PSTPIP1: variants seen among roughly 807,000 people sequenced by gnomAD.
The protein encoded by PSTPIP1 is proline-serine-threonine phosphatase interacting protein 1.
PSTPIP1 carries 66 observed loss-of-function variants against 69.6 expected under a neutral mutation model. The observed-to-expected ratio is 0.95, with a 90% confidence interval of 0.78 to 1.16. The LOEUF is 1.16. Among genes scored for constraint, PSTPIP1 ranks in the 50% most tolerant of loss-of-function variants. The pLI, the probability that PSTPIP1 is intolerant of heterozygous loss-of-function variation, is 0.00. For missense variants in PSTPIP1, 603 were observed against 557.4 expected (o/e 1.08, Z -0.82); for synonymous variants, 266 against 222.7 (o/e 1.19, Z -1.73).
chr15:77,029,100 C>T (rs2076354559), intron 7 of PSTPIP1, among the ~76,000 whole-genome samples: 1 of 152,232 alleles, frequency 6.6e-6, no homozygotes, highest in African/African-American at 2.4e-5. Context: ...TGCTGTGGCC[C>T]CTAGGCCAGA....
At chr15:77,035,127 G>T (rs1317661279) in intron 12 of PSTPIP1, among the ~76,000 whole-genome samples, 1 of 152,222 alleles carries the variant, frequency 6.6e-6, no homozygotes, top group African/African-American at 2.4e-5. Flanking sequence ...GGAGGGTGAG[G>T]ACTGGGCATC....
chr15:77,003,152 T>C (rs573366367), intron 1 of PSTPIP1, among the ~76,000 whole-genome samples: 12 of 152,154 alleles, frequency 7.9e-5, no homozygotes, highest in Non-Finnish European at 1.6e-4. Context: ...TTTCCTCTCA[T>C]GCAAAAGAGG....
intron 1 of PSTPIP1, among the ~76,000 whole-genome samples, chr15:77,015,510 G>A (rs1199513485): frequency 6.6e-6 from 1 of 152,190 alleles, no homozygotes; most frequent in Non-Finnish European, 1.5e-5. Context: ...GGATGACAGA[G>A]GTTGGACAGG....
intron 12 of PSTPIP1, among the ~76,000 whole-genome samples, chr15:77,033,970 A>C (rs2076487905): frequency 6.6e-6 from 1 of 152,158 alleles, no homozygotes; most frequent in African/African-American, 2.4e-5. Flanking sequence ...CATTTAAGCA[A>C]CTGGACAAAA....
intron 12 of PSTPIP1, among the ~76,000 whole-genome samples, chr15:77,033,997 G>C (rs973943082): frequency 6.6e-6 from 1 of 152,152 alleles, no homozygotes; most frequent in Non-Finnish European, 1.5e-5. Context: ...ACCTGAAGCA[G>C]TATCAGGAAG....
chr15:77,035,611 G>A (rs1411489170), intron 13 of PSTPIP1, 48 bp downstream of exon 13: 21 of 1,538,958 alleles, frequency 1.4e-5, no homozygotes, highest in Non-Finnish European at 1.8e-5. Context: ...TCCTGGGGGG[G>A]AGGAGAGGTC....
intron 14 of PSTPIP1, 78 bp from the exon 15 acceptor site, chr15:77,036,967 G>A (rs1246093766): frequency 6.4e-7 from 1 of 1,554,550 alleles, no homozygotes; most frequent in Admixed American, 1.8e-5. Flanking sequence ...CTGCTGGGTG[G>A]GGGAACGCCA....
chr15:77,028,619 T>C lies in PSTPIP1; in HGVS notation c.483T>C (p.Ile161=), dbSNP rs901923115. ...ADDAEQAFER[I]SANGHQKQVE... ...ACGCGGAGCAGGCCTTCGAGCGCAT[T>C]AGCGCCAACGGCCACCAGAAGCAGG... is the stretch of plus-strand genomic sequence containing the variant. The change falls in exon 7 of 15, where the codon ATT becomes ATC. Residue 161 remains isoleucine (I), a synonymous_variant. Transcript: ENST00000558012. 1 of 1,591,276 alleles carries C rather than the reference T, an allele frequency of 6.3e-7. No homozygotes were observed. Among genetic ancestry groups the C allele is most frequent in the Non-Finnish European group, 8.5e-7 (1 of 1,170,166 alleles).
chr15:77,001,236 G>A (rs1039965735), intron 1 of PSTPIP1, among the ~76,000 whole-genome samples: 3 of 152,224 alleles, frequency 2.0e-5, no homozygotes, highest in African/African-American at 7.2e-5. Context: ...TTTGGGCAGA[G>A]GAGGCTAATG....
At chr15:77,003,723 G>T (rs745534526) in intron 1 of PSTPIP1, among the ~76,000 whole-genome samples, 3 of 151,606 alleles carry the variant, frequency 2.0e-5, no homozygotes, top group Non-Finnish European at 4.4e-5. Flanking sequence ...ACCCACACTT[G>T]CTAGGTGGCC....
chr15:77,003,768 T>C (rs780004889), intron 1 of PSTPIP1, among the ~76,000 whole-genome samples: 10 of 152,170 alleles, frequency 6.6e-5, no homozygotes, highest in African/African-American at 9.7e-5. Flanking sequence ...AACCTCAGTT[T>C]CCTCATCTGC....
rs1032803882 is a variant in PSTPIP1 at position 76,995,133 on chromosome 15, C to T, written c.-441C>T. On this transcript the variant is annotated 5_prime_UTR_variant, in exon 1 of 15. Transcript: ENST00000558012. ...CCCCGGGGGAGGTTGCACAAACCTT[C>T]CTGCGCAGGCCTCGGGCTGCCTGCC... 242 of 1,162,140 alleles carry T rather than the reference C, an allele frequency of 2.1e-4. No individual in the cohort carries two copies. The highest frequency in any genetic ancestry group is 2.5e-4 in the Non-Finnish European group (235 of 927,010). 72.0% of individuals were successfully genotyped at this position (1,162,140 alleles called of 1,614,324 possible).
chr15:77,030,534 G>C lies in PSTPIP1; in HGVS notation c.595G>C (p.Glu199Gln), dbSNP rs1430542503. Residue 199 changes from glutamate (E) to glutamine (Q), a missense_variant, in exon 9 of 15, where the codon GAG becomes CAG. Coordinates refer to ENST00000558012, the MANE Select transcript of PSTPIP1 (RefSeq NM_003978.5). ...RVYRQSIAQL[E>Q]KVRAEWEQEH... ...ATACAGGCAGAGCATTGCGCAGCTG[G>C]AGAAGGTCCGGGCTGAGTGGGAGCA... 3.1e-6 allele frequency: 5 copies of C among 1,612,596 alleles called. No homozygotes were observed. The East Asian group carries it at 8.9e-5, about 29-fold the overall frequency.
At chr15:77,031,572 G>GGGAGGTGGACACAGCTGTC in intron 10 of PSTPIP1, 1 of 323,320 alleles carries the variant, frequency 3.1e-6, no homozygotes, top group South Asian at 3.0e-5. Flanking sequence ...GGGATGGGAG[G>GGGAGGTGGACACAGCTGTC]GGAGGTGGAC....
intron 10 of PSTPIP1, 71 bp from the exon 11 acceptor site, chr15:77,032,227 T>C (rs2076435133): frequency 4.0e-6 from 6 of 1,505,236 alleles, no homozygotes; most frequent in South Asian, 1.2e-5. Flanking sequence ...TGGGGGCCGC[T>C]GGTCAGAGTT....
chr15:76,998,367 A>C (rs1165753818), intron 1 of PSTPIP1, among the ~76,000 whole-genome samples: 2 of 152,196 alleles, frequency 1.3e-5, no homozygotes, highest in Non-Finnish European at 2.9e-5. Context: ...GCTTTAGCTC[A>C]CAGTAAGGGA....
intron 12 of PSTPIP1, among the ~76,000 whole-genome samples, chr15:77,034,392 T>A (rs945217270): frequency 2.0e-5 from 3 of 152,088 alleles, no homozygotes; most frequent in African/African-American, 7.3e-5. Flanking sequence ...ATGTCCACCC[T>A]GCGCATGTGT....
chr15:76,997,813 C>T (rs2075613840), intron 1 of PSTPIP1, among the ~76,000 whole-genome samples: 2 of 152,196 alleles, frequency 1.3e-5, no homozygotes, highest in Non-Finnish European at 1.5e-5. Context: ...ACAGAAAAGG[C>T]ACACTACTCT....
At chr15:77,021,989 G>C (rs540497544) in intron 3 of PSTPIP1, among the ~76,000 whole-genome samples, 5 of 152,376 alleles carry the variant, frequency 3.3e-5, no homozygotes, top group African/African-American at 1.2e-4. Context: ...ACCAAGGCAA[G>C]GCCAGCTTCC....
Sources: gnomAD v4.1 joint callset for allele counts (sites outside exome capture counted in the v4.1 genomes callset) on GRCh38, gnomAD v4.1.1 for gene constraint, MANE v1.5 for transcripts, NCBI Gene and HGNC (gene_info 2026-07-23, HGNC 2026-07-21) for gene names.